SESN1: variants seen among roughly 807,000 people sequenced by gnomAD.
SESN1 encodes the protein sestrin 1.
A neutral mutation model predicts 59.3 loss-of-function variants in SESN1; 30 were observed. The ratio of observed to expected loss-of-function variants is 0.51; its 90% CI spans 0.38 to 0.69. The LOEUF (loss-of-function observed/expected upper bound fraction) is 0.69, where lower values mean the gene tolerates loss of function less well. Ranked by LOEUF, SESN1 falls within the 30% of genes least tolerant of loss-of-function variation. The probability of loss-of-function intolerance (pLI) is 0.00; values close to 1 mark genes in which losing one functional copy is unlikely to be tolerated. For synonymous variants in SESN1, 197 were observed against 219.9 expected (o/e 0.90, Z 0.92); for missense variants, 566 against 673.0 (o/e 0.84, Z 1.76).
chr6:109,029,563 T>G (rs150024027), intron 1 of SESN1, among the ~76,000 whole-genome samples: 37 of 152,256 alleles, frequency 2.4e-4, no homozygotes, highest in African/African-American at 8.4e-4. Flanking sequence ...TTAAGATGGG[T>G]TCTTGCTCTG....
In SESN1 at chr6:108,998,526, G is replaced by A; in HGVS notation, c.959C>T (p.Ala320Val). The change falls in exon 5 of 10, where the codon GCA becomes GTA. Residue 320 changes from alanine (A) to valine (V), a missense_variant. Transcript: ENST00000436639. ...AATAATACTTACAGAAACATTTTCT[G>A]CTGAGTTGACCGGCATCTCATCCAC... ...HSVDEMPVNS[A>V]ENVSVSDSFF... is the part of the protein sequence containing the mutation. The A allele has an allele frequency of 1.9e-6, 3 of 1,613,766 alleles. No homozygotes were observed. Among genetic ancestry groups the A allele is most frequent in the South Asian group, 1.1e-5 (1 of 91,068 alleles).
chr6:109,081,184 C>T (rs1781115772), intron 1 of SESN1, among the ~76,000 whole-genome samples: 1 of 152,136 alleles, frequency 6.6e-6, no homozygotes, highest in Admixed American at 6.5e-5. Context: ...TGGGCTCAAG[C>T]AATCCTCCTA....
chr6:109,049,586 CCTGAT>C (rs1780510353), intron 1 of SESN1, among the ~76,000 whole-genome samples: 1 of 151,820 alleles, frequency 6.6e-6, no homozygotes, highest in African/African-American at 2.4e-5. Flanking sequence ...TGCTAATTAT[CCTGAT>C]CTGATCACTG....
intron 1 of SESN1, among the ~76,000 whole-genome samples, chr6:109,075,062 T>C (rs939727901): frequency 3.9e-5 from 6 of 152,136 alleles, no homozygotes; most frequent in African/African-American, 1.4e-4. Context: ...TTCAGGCTGG[T>C]GTGAGGCTCC....
At chr6:109,006,136 A>T (rs1191439896) in intron 1 of SESN1, among the ~76,000 whole-genome samples, 1 of 152,194 alleles carries the variant, frequency 6.6e-6, no homozygotes, top group African/African-American at 2.4e-5. Flanking sequence ...CTACCTGTAA[A>T]CAAAGAACAT....
At chr6:109,087,230 CAT>C (rs1781227787) in intron 1 of SESN1, among the ~76,000 whole-genome samples, 1 of 151,860 alleles carries the variant, frequency 6.6e-6, no homozygotes, top group Non-Finnish European at 1.5e-5. Context: ...AGAGTCAAAA[CAT>C]AGGACAGGAT....
At chr6:108,999,527 C>G (rs1190889128) in intron 4 of SESN1, among the ~76,000 whole-genome samples, 1 of 152,090 alleles carries the variant, frequency 6.6e-6, no homozygotes, top group Non-Finnish European at 1.5e-5. Context: ...AGAACCAGAA[C>G]TAGCTTAACA....
At chr6:109,030,046 G>A (rs1162375809) in intron 1 of SESN1, among the ~76,000 whole-genome samples, 1 of 152,118 alleles carries the variant, frequency 6.6e-6, no homozygotes, top group Non-Finnish European at 1.5e-5. Context: ...ATAAGTGGCA[G>A]GTAAAAATAA....
chr6:109,016,378 C>A (rs776370570), intron 1 of SESN1, among the ~76,000 whole-genome samples: 23 of 152,006 alleles, frequency 1.5e-4, no homozygotes, highest in Non-Finnish European at 3.1e-4. Flanking sequence ...TTCAAAGAAC[C>A]CCTACTCAGT....
At chr6:109,069,271 G>A (rs1263425448) in intron 1 of SESN1, among the ~76,000 whole-genome samples, 4 of 151,142 alleles carry the variant, frequency 2.6e-5, no homozygotes, top group African/African-American at 7.3e-5. Context: ...AAAAAGTTGC[G>A]GAAAAAAGAA....
intron 1 of SESN1, among the ~76,000 whole-genome samples, chr6:109,023,082 T>C (rs1214264326): frequency 2.6e-5 from 4 of 152,148 alleles, no homozygotes; most frequent in South Asian, 2.1e-4. Flanking sequence ...ACAGTATCCC[T>C]CTCCAGCAAA....
intron 6 of SESN1, 46 bp downstream of exon 6, chr6:108,994,415 AG>A (rs777313987): frequency 6.7e-7 from 1 of 1,490,012 alleles, no homozygotes; most frequent in Admixed American, 2.0e-5. Context: ...CTAAATAAAA[AG>A]TTGAGTTTGC....
At chr6:109,049,681 AAGG>A (rs1780512221) in intron 1 of SESN1, among the ~76,000 whole-genome samples, 2 of 150,860 alleles carry the variant, frequency 1.3e-5, no homozygotes, top group African/African-American at 4.8e-5. Flanking sequence ...AAAAAATAAA[AAGG>A]AGAGGGGACG....
At chr6:109,036,656 C>G (rs977209952) in intron 1 of SESN1, among the ~76,000 whole-genome samples, 2 of 152,134 alleles carry the variant, frequency 1.3e-5, no homozygotes, top group African/African-American at 2.4e-5. Flanking sequence ...GTTTTTAACA[C>G]TTCACAAGTA....
rs185480883 is a variant in SESN1, at chr6:109,078,402, T to C, written c.279+15393A>G. Among the ~76,000 whole-genome samples the C allele has an allele frequency of 1.0e-3, 155 of 152,114 alleles. No homozygotes were observed. In the Middle Eastern group the frequency reaches 0.014, roughly 13 times the overall value. On this transcript the variant is annotated intron_variant, in intron 1 of 9. Transcript: ENST00000436639. ...GTCTCAAAATAAAATAAAATATAAA[T>C]ATAAATAATAATCCTTTATGTCTAT...
chr6:109,049,691 G>T (rs1001098310), intron 1 of SESN1, among the ~76,000 whole-genome samples: 3 of 149,990 alleles, frequency 2.0e-5, no homozygotes, highest in African/African-American at 7.3e-5. Flanking sequence ...AAGGAGAGGG[G>T]ACGTATATTT....
chr6:108,989,430 T>G (rs961407701), intron 8 of SESN1, among the ~76,000 whole-genome samples: 2 of 149,214 alleles, frequency 1.3e-5, no homozygotes, highest in African/African-American at 5.1e-5. Context: ...TAGAGATATA[T>G]ATCTAGATCT....
intron 1 of SESN1, among the ~76,000 whole-genome samples, chr6:109,044,750 G>A (rs377744045): frequency 3.3e-5 from 5 of 151,928 alleles, no homozygotes; most frequent in East Asian, 3.9e-4. Context: ...TCAGCCGGGC[G>A]CAGTGGCTCA....
rs1779226728 is a variant in SESN1, at chr6:108,987,398, C to T, written c.*146G>A. 3 of 533,692 alleles carry T rather than the reference C, an allele frequency of 5.6e-6. No homozygotes were observed. Among genetic ancestry groups the T allele is most frequent in the South Asian group, 5.8e-5 (2 of 34,596 alleles). The allele number at this position is 533,692 out of a possible 1,614,324, so 33.1% of individuals were successfully genotyped here. On this transcript the variant is annotated 3_prime_UTR_variant, in exon 10 of 10. Transcript: ENST00000436639. ...TGCTTGTGCCAGCAGTGGTTTTCCACAGAAAAATAGCAGAAACTAAAGGAA... is the reference window on the plus strand; with the variant it reads ...TGCTTGTGCCAGCAGTGGTTTTCCATAGAAAAATAGCAGAAACTAAAGGAA...
Sources: gnomAD v4.1 joint callset for allele counts (sites outside exome capture counted in the v4.1 genomes callset) on GRCh38, gnomAD v4.1.1 for gene constraint, MANE v1.5 for transcripts, NCBI Gene and HGNC (gene_info 2026-07-23, HGNC 2026-07-21) for gene names.